Variants in CDYL2 observed in about 807,000 individuals in gnomAD.
CDYL2 encodes the protein chromodomain Y-like protein 2.
CDYL2 carries 23 observed loss-of-function variants against 49.4 expected under a neutral mutation model. The ratio of observed to expected loss-of-function variants is 0.47; its 90% CI spans 0.34 to 0.66. The LOEUF (loss-of-function observed/expected upper bound fraction) is 0.66, where lower values mean the gene tolerates loss of function less well. CDYL2 is among the 30% of genes least tolerant of loss of function. The pLI, the probability that CDYL2 is intolerant of heterozygous loss-of-function variation, is 0.01. For missense variants in CDYL2, 678 were observed against 656.4 expected (o/e 1.03, Z -0.36); for synonymous variants, 360 against 268.8 (o/e 1.34, Z -3.32).
intron 2 of CDYL2, among the ~76,000 whole-genome samples, chr16:80,673,939 C>T (rs1382128315): frequency 1.1e-4 from 16 of 152,076 alleles, no homozygotes; most frequent in South Asian, 4.2e-4. Flanking sequence ...TGAGGGACCA[C>T]GAGCCGAGGA....
intron 1 of CDYL2, among the ~76,000 whole-genome samples, chr16:80,688,353 G>A (rs1433210509): frequency 6.6e-6 from 1 of 152,128 alleles, no homozygotes; most frequent in Non-Finnish European, 1.5e-5. Flanking sequence ...TTTTCTATCT[G>A]TATGACCTTG....
intron 1 of CDYL2, among the ~76,000 whole-genome samples, chr16:80,802,333 G>A (rs763891244): frequency 7.2e-5 from 11 of 152,186 alleles, no homozygotes; most frequent in African/African-American, 2.7e-4. Flanking sequence ...AGAAAACCAT[G>A]ATTCCAACCA....
At chr16:80,746,501 C>T (rs147202924) in intron 1 of CDYL2, among the ~76,000 whole-genome samples, 4 of 152,294 alleles carry the variant, frequency 2.6e-5, no homozygotes, top group Admixed American at 2.6e-4. Context: ...CTCAAGTATT[C>T]TGGAATCTTC....
chr16:80,787,458 C>T (rs749002831), intron 1 of CDYL2, among the ~76,000 whole-genome samples: 2 of 152,180 alleles, frequency 1.3e-5, no homozygotes, highest in African/African-American at 2.4e-5. Flanking sequence ...CATAAGGATA[C>T]ATACACTGGG....
At chr16:80,688,691 T>C (rs1288675422) in intron 1 of CDYL2, among the ~76,000 whole-genome samples, 1 of 152,188 alleles carries the variant, frequency 6.6e-6, no homozygotes, top group Non-Finnish European at 1.5e-5. Flanking sequence ...GGACCTAATC[T>C]TCTATACATC....
chr16:80,624,028 G>T (rs539358137), intron 3 of CDYL2, among the ~76,000 whole-genome samples: 14 of 152,254 alleles, frequency 9.2e-5, no homozygotes, highest in South Asian at 8.3e-4. Context: ...GACCCTCCAA[G>T]TCTGTGTACT....
chr16:80,770,702 TAA>T (rs763158735), intron 1 of CDYL2, among the ~76,000 whole-genome samples: 45 of 151,960 alleles, frequency 3.0e-4, no homozygotes, highest in Non-Finnish European at 5.3e-4. Flanking sequence ...ATGTCAAAGC[TAA>T]GTTTTAATTT....
At chr16:80,709,026 G>A (rs142522479) in intron 1 of CDYL2, among the ~76,000 whole-genome samples, 95 of 152,300 alleles carry the variant, frequency 6.2e-4, no homozygotes, top group Middle Eastern at 6.8e-3. Context: ...AGCGTAAGGC[G>A]CCAGTCAGAC....
At chr16:80,767,369 T>G (rs1019115166) in intron 1 of CDYL2, among the ~76,000 whole-genome samples, 2 of 152,214 alleles carry the variant, frequency 1.3e-5, no homozygotes, top group Non-Finnish European at 2.9e-5. Flanking sequence ...GCTGAATTTC[T>G]CAGGGAAGGA....
At chr16:80,794,070 G>A (rs1020851770) in intron 1 of CDYL2, among the ~76,000 whole-genome samples, 2 of 152,142 alleles carry the variant, frequency 1.3e-5, no homozygotes, top group Non-Finnish European at 2.9e-5. Flanking sequence ...TGAAATCAGA[G>A]AAGGAAATGT....
chr16:80,610,931 G>A (rs977841502), intron 5 of CDYL2, among the ~76,000 whole-genome samples: 6 of 152,206 alleles, frequency 3.9e-5, no homozygotes, highest in South Asian at 2.1e-4. Flanking sequence ...CACCCTCCCC[G>A]GCATGCCAGG....
chr16:80,740,596 C>T (rs916086124), intron 1 of CDYL2, among the ~76,000 whole-genome samples: 2 of 152,096 alleles, frequency 1.3e-5, no homozygotes, highest in African/African-American at 4.8e-5. Flanking sequence ...TATTTGCATA[C>T]ACAGTCATAT....
chr16:80,689,299 C>T (rs1441098656), intron 1 of CDYL2, among the ~76,000 whole-genome samples: 2 of 152,168 alleles, frequency 1.3e-5, no homozygotes, highest in Non-Finnish European at 2.9e-5. Context: ...GCCAGGATGC[C>T]ACCTGGATGG....
At chr16:80,678,494 A>T (rs1000968965) in intron 2 of CDYL2, among the ~76,000 whole-genome samples, 10 of 152,296 alleles carry the variant, frequency 6.6e-5, no homozygotes, top group Admixed American at 5.9e-4. Context: ...TTATGCAGCC[A>T]AAAGACACAT....
intron 1 of CDYL2, among the ~76,000 whole-genome samples, chr16:80,731,490 G>C (rs1032055073): frequency 6.6e-6 from 1 of 152,018 alleles, no homozygotes; most frequent in Non-Finnish European, 1.5e-5. Flanking sequence ...GATTCAAAGA[G>C]CCCACCAGGA....
Position 80,613,437 on chromosome 16 carries a change from C to T in CDYL2, c.1008-601G>A, listed in dbSNP as rs112375553. Among the ~76,000 whole-genome samples the T allele has an allele frequency of 6.6e-3, 1,007 of 152,190 alleles. 10 individuals carry two copies. Among genetic ancestry groups the T allele is most frequent in the African/African-American group, 0.023 (973 of 41,504 alleles). On this transcript the variant is annotated intron_variant, in intron 4 of 6. Coordinates refer to ENST00000570137, the MANE Select transcript of CDYL2 (RefSeq NM_152342.4). ...GTTGGGATTGATGACATTTTTCTTT[C>T]AAAAATCACACCTAGGATGGTCTGA... is the stretch of plus-strand genomic sequence containing the variant.
At chr16:80,762,878 A>G (rs74817644) in intron 1 of CDYL2, among the ~76,000 whole-genome samples, 4,961 of 152,298 alleles carry the variant, frequency 0.033, 119 homozygotes, top group Admixed American at 0.075. Context: ...TGTGTGTTAC[A>G]TCTGTGAGCT....
chr16:80,763,273 C>G (rs557463275), intron 1 of CDYL2, among the ~76,000 whole-genome samples: 29 of 151,290 alleles, frequency 1.9e-4, no homozygotes, highest in African/African-American at 6.7e-4. Context: ...ACTGTGGCTA[C>G]TCAACAGCTA....
intron 1 of CDYL2, among the ~76,000 whole-genome samples, chr16:80,729,418 G>T (rs532320425): frequency 6.6e-6 from 1 of 152,132 alleles, no homozygotes; most frequent in African/African-American, 2.4e-5. Context: ...AAATATATAC[G>T]CATCCAATAC....
Sources: gnomAD v4.1 joint callset for allele counts (sites outside exome capture counted in the v4.1 genomes callset) on GRCh38, gnomAD v4.1.1 for gene constraint, MANE v1.5 for transcripts, NCBI Gene and HGNC (gene_info 2026-07-23, HGNC 2026-07-21) for gene names.